CHST3: variants seen among roughly 807,000 people sequenced by gnomAD.
The protein encoded by CHST3 is C6ST-1.
In CHST3, 20 loss-of-function variants were observed where a neutral mutation model predicts 35.4. The ratio of observed to expected loss-of-function variants is 0.57; its 90% CI spans 0.40 to 0.82. The LOEUF (loss-of-function observed/expected upper bound fraction) is 0.82, where lower values mean the gene tolerates loss of function less well. Among genes scored for constraint, CHST3 ranks in the 40% least tolerant of loss-of-function variants. The pLI is 0.00. For synonymous variants in CHST3, 334 were observed against 295.9 expected (o/e 1.13, Z -1.32); for missense variants, 693 against 670.1 (o/e 1.03, Z -0.38).
At chr10:71,965,466 A>C (rs996782587) in intron 1 of CHST3, among the ~76,000 whole-genome samples, 4 of 152,158 alleles carry the variant, frequency 2.6e-5, no homozygotes, top group Admixed American at 6.5e-5. Flanking sequence ...GGGACTTCCA[A>C]GGGAACCGGG....
At chr10:72,000,132 T>C (rs4148933) in intron 1 of CHST3, among the ~76,000 whole-genome samples, 77,177 of 152,114 alleles carry the variant, frequency 0.51, 20,346 homozygotes, top group Non-Finnish European at 0.59. Flanking sequence ...TATGGAGCAA[T>C]TGCCTTTTTT....
intron 1 of CHST3, among the ~76,000 whole-genome samples, chr10:71,972,525 C>G (rs570872004): frequency 6.8e-4 from 103 of 152,316 alleles, no homozygotes; most frequent in African/African-American, 2.4e-3. Context: ...ATGCCACTCC[C>G]CTGTGCCCTG....
chr10:72,005,694 C>G, intron 1 of CHST3, 42 bp from the exon 2 acceptor site: 3 of 934,002 alleles, frequency 3.2e-6, no homozygotes, highest in South Asian at 2.8e-5. Context: ...CTGCATTCCT[C>G]GTGTACAGAC....
At chr10:71,985,404 T>TG (rs1355322492) in intron 1 of CHST3, among the ~76,000 whole-genome samples, 5 of 152,212 alleles carry the variant, frequency 3.3e-5, no homozygotes, top group Non-Finnish European at 7.3e-5. Context: ...CCCCCTGCCA[T>TG]GAGGAGTAGC....
intron 1 of CHST3, among the ~76,000 whole-genome samples, chr10:71,971,177 C>G (rs1017184795): frequency 3.3e-5 from 5 of 152,322 alleles, no homozygotes; most frequent in African/African-American, 4.8e-5. Context: ...TTCTCGTTCT[C>G]TGTGGCTGTG....
intron 1 of CHST3, among the ~76,000 whole-genome samples, chr10:71,996,282 C>T (rs562951657): frequency 6.6e-6 from 1 of 152,272 alleles, no homozygotes; most frequent in East Asian, 1.9e-4. Flanking sequence ...AATTCCTTGC[C>T]TAAGGTCATA....
intron 1 of CHST3, among the ~76,000 whole-genome samples, chr10:71,968,108 G>A (rs1034968557): frequency 6.6e-6 from 1 of 151,872 alleles, no homozygotes; most frequent in African/African-American, 2.4e-5. Flanking sequence ...GAGCCGCCTC[G>A]CTTGGCCAGC....
chr10:72,009,095 G>A lies in CHST3; in HGVS notation c.*624G>A, dbSNP rs576289588. 2.2e-4 allele frequency: 33 copies of A among 152,662 alleles called. No homozygotes were observed. The highest frequency in any genetic ancestry group is 2.9e-4 in the Non-Finnish European group (20 of 68,356). The allele number at this position is 152,662 out of a possible 1,614,324, so 9.5% of individuals were successfully genotyped here. On this transcript the variant is annotated 3_prime_UTR_variant, in exon 3 of 3. Coordinates refer to ENST00000373115, the MANE Select transcript of CHST3 (RefSeq NM_004273.5). ...ATAGAGCTGCAAAACACACACATGCGTATAGACATACATACATGTACACCA... is the reference window on the plus strand; with the variant it reads ...ATAGAGCTGCAAAACACACACATGCATATAGACATACATACATGTACACCA...
chr10:71,977,372 A>G (rs576922557), intron 1 of CHST3, among the ~76,000 whole-genome samples: 42 of 151,922 alleles, frequency 2.8e-4, no homozygotes, highest in Non-Finnish European at 4.4e-4. Context: ...CTGTGGGGTC[A>G]GGGCATGGCA....
intron 1 of CHST3, among the ~76,000 whole-genome samples, chr10:71,999,200 A>G (rs1410329256): frequency 8.5e-5 from 13 of 152,242 alleles, no homozygotes; most frequent in Admixed American, 8.5e-4. Flanking sequence ...ATTAAAAAAT[A>G]AAAACCAGGC....
intron 1 of CHST3, among the ~76,000 whole-genome samples, chr10:71,996,435 A>G (rs1249826791): frequency 7.8e-6 from 1 of 127,500 alleles, no homozygotes; most frequent in African/African-American, 3.6e-5. Flanking sequence ...ACCCCCCCCC[A>G]ACGTATGTGT....
intron 1 of CHST3, among the ~76,000 whole-genome samples, chr10:71,973,207 C>G (rs1266444857): frequency 6.6e-6 from 1 of 152,128 alleles, no homozygotes; most frequent in Non-Finnish European, 1.5e-5. Context: ...AGAGTGGGAC[C>G]CCGGCACATG....
intron 1 of CHST3, among the ~76,000 whole-genome samples, chr10:71,972,254 C>T (rs1300273919): frequency 6.6e-6 from 1 of 152,194 alleles, no homozygotes; most frequent in Non-Finnish European, 1.5e-5. Flanking sequence ...AGTCTGTGCT[C>T]TCAGTACCAC....
chr10:71,997,734 G>A (rs1196311148), intron 1 of CHST3, among the ~76,000 whole-genome samples: 9 of 140,944 alleles, frequency 6.4e-5, no homozygotes, highest in African/African-American at 1.1e-4. Context: ...GGATCTCGGC[G>A]CACTGCAACC....
At chr10:71,976,153 A>G (rs1305360238) in intron 1 of CHST3, among the ~76,000 whole-genome samples, 1 of 152,212 alleles carries the variant, frequency 6.6e-6, no homozygotes, top group Non-Finnish European at 1.5e-5. Flanking sequence ...CCTCTAGGGT[A>G]GGAGAAAAGC....
intron 1 of CHST3, among the ~76,000 whole-genome samples, chr10:71,994,077 G>C (rs1694807892): frequency 6.6e-6 from 1 of 152,000 alleles, no homozygotes; most frequent in South Asian, 2.1e-4. Context: ...TCCAGCCTGG[G>C]TGACAAAGCG....
At position 72,007,548 on chromosome 10, in the gene CHST3, T is replaced by A. The variant is rs1444775307; in HGVS notation, c.517T>A (p.Ser173Thr). The A allele has an allele frequency of 1.2e-6, 2 of 1,606,042 alleles. No individual in the cohort carries two copies. Among genetic ancestry groups the A allele is most frequent in the Non-Finnish European group, 1.7e-6 (2 of 1,179,756 alleles). ...EPLWHIERTV[S>T]FEPGGANAAG... is the part of the protein sequence containing the mutation. ...GCTGTGGCACATCGAGCGCACAGTG[T>A]CCTTCGAGCCGGGGGGCGCCAACGC... is the stretch of plus-strand genomic sequence containing the variant. The change falls in exon 3 of 3, where the codon TCC (serine) becomes ACC (threonine). Residue 173 changes from serine to threonine, a missense_variant. Physicochemically the swap from Ser to Thr is moderately conservative, Grantham distance 58. Coordinates refer to ENST00000373115, the MANE Select transcript of CHST3 (RefSeq NM_004273.5).
chr10:71,988,504 A>T (rs1839870163), intron 1 of CHST3, among the ~76,000 whole-genome samples: 1 of 152,226 alleles, frequency 6.6e-6, no homozygotes, highest in South Asian at 2.1e-4. Context: ...GCACCTCCCC[A>T]TTCTCTATCT....
In CHST3 at chr10:72,012,284, T is replaced by A. The variant is rs1321288805; in HGVS notation, c.*3813T>A. 6.6e-6 allele frequency: 1 copy of A among 152,192 alleles called. No individual in the cohort carries two copies. The highest frequency in any genetic ancestry group is 1.5e-5 in the Non-Finnish European group (1 of 68,042). The allele number at this position is 152,192 out of a possible 1,614,324, so 9.4% of individuals were successfully genotyped here. A position where few individuals can be genotyped will look rare whatever the true frequency, so the allele number is the denominator to read the frequency against. On this transcript the variant is annotated 3_prime_UTR_variant, in exon 3 of 3. Coordinates refer to ENST00000373115, the MANE Select transcript of CHST3 (RefSeq NM_004273.5). ...CTTCCCAGAAGGTTGATTCTTGGCCTGGGTGGTAGAGGAGATATCCTGACC... is the reference window on the plus strand; with the variant it reads ...CTTCCCAGAAGGTTGATTCTTGGCCAGGGTGGTAGAGGAGATATCCTGACC...
Sources: gnomAD v4.1 joint callset for allele counts (sites outside exome capture counted in the v4.1 genomes callset) on GRCh38, gnomAD v4.1.1 for gene constraint, MANE v1.5 for transcripts, NCBI Gene and HGNC (gene_info 2026-07-23, HGNC 2026-07-21) for gene names.